Variants in PLA2G4A observed in about 807,000 individuals in gnomAD.
The protein encoded by PLA2G4A is cytosolic phospholipase A2.
A neutral mutation model predicts 81.9 loss-of-function variants in PLA2G4A; 40 were observed. The observed-to-expected ratio is 0.49, with a 90% CI of 0.38 to 0.64. The LOEUF is 0.64. Ranked by LOEUF, PLA2G4A falls within the 30% of genes least tolerant of loss-of-function variation. The probability of loss-of-function intolerance (pLI) is 0.00; values close to 1 mark genes in which losing one functional copy is unlikely to be tolerated. For missense variants in PLA2G4A, 715 were observed against 905.1 expected (o/e 0.79, Z 2.69); for synonymous variants, 302 against 296.9 (o/e 1.02, Z -0.18).
chr1:186,895,982 G>A, intron 5 of PLA2G4A, among the ~76,000 whole-genome samples: 1 of 151,290 alleles, frequency 6.6e-6, no homozygotes, highest in East Asian at 1.9e-4. Flanking sequence ...TATAATACAT[G>A]CATATGATAA....
intron 14 of PLA2G4A, among the ~76,000 whole-genome samples, chr1:186,963,086 G>A (rs1360650877): frequency 1.3e-5 from 2 of 151,986 alleles, no homozygotes; most frequent in East Asian, 1.9e-4. Context: ...AGTCGTATAA[G>A]AATAGTAAAT....
intron 5 of PLA2G4A, among the ~76,000 whole-genome samples, chr1:186,900,218 G>T (rs910545019): frequency 6.6e-6 from 1 of 152,174 alleles, no homozygotes; most frequent in Non-Finnish European, 1.5e-5. Context: ...TTAACCATGT[G>T]ATGGTGGACA....
chr1:186,929,600 A>C (rs1368612808), intron 7 of PLA2G4A, among the ~76,000 whole-genome samples: 3 of 152,312 alleles, frequency 2.0e-5, no homozygotes, highest in Admixed American at 2.0e-4. Context: ...AGGACACAGC[A>C]TTAGTTGGGG....
intron 9 of PLA2G4A, 151 bp from the exon 10 acceptor site, chr1:186,939,829 G>T: frequency 1.7e-6 from 1 of 581,498 alleles, no homozygotes; most frequent in Non-Finnish European, 3.1e-6. Context: ...ATTTTTTGTT[G>T]TTCATTCAGG....
chr1:186,942,512 C>T (rs964372728), intron 10 of PLA2G4A, among the ~76,000 whole-genome samples: 3 of 151,880 alleles, frequency 2.0e-5, no homozygotes, highest in African/African-American at 7.3e-5. Flanking sequence ...ATTTATCTTC[C>T]AGAGCTATTA....
At chr1:186,888,124 T>A (rs1654003151) in intron 3 of PLA2G4A, among the ~76,000 whole-genome samples, 1 of 152,212 alleles carries the variant, frequency 6.6e-6, no homozygotes, top group Non-Finnish European at 1.5e-5. Context: ...TTTAGAAAGC[T>A]GACTTACTTT....
At chr1:186,941,558 G>A (rs868772299) in intron 10 of PLA2G4A, among the ~76,000 whole-genome samples, 1 of 152,154 alleles carries the variant, frequency 6.6e-6, no homozygotes. Flanking sequence ...ACCTCATAAA[G>A]ATTAAATAAT....
At chr1:186,922,785 T>C (rs1655399025) in intron 7 of PLA2G4A, among the ~76,000 whole-genome samples, 1 of 152,198 alleles carries the variant, frequency 6.6e-6, no homozygotes, top group Non-Finnish European at 1.5e-5. Context: ...CTGAGCTCCC[T>C]GAGTGAGCAA....
chr1:186,878,342 T>A (rs1347709169), intron 3 of PLA2G4A, among the ~76,000 whole-genome samples: 2 of 145,772 alleles, frequency 1.4e-5, no homozygotes, highest in African/African-American at 2.5e-5. Flanking sequence ...CTGATATATT[T>A]TATATATATA....
chr1:186,985,744 A>G lies in PLA2G4A; in HGVS notation c.2119-2633A>G, dbSNP rs533061134. 2.0e-5 allele frequency among the ~76,000 whole-genome samples: 3 copies of G among 152,246 alleles called. No homozygotes were observed. The South Asian group carries it at 6.2e-4, about 32-fold the overall frequency. The stretch of plus-strand genomic sequence containing the variant: ...GCACAAGTGAAAGATGACATGGGAT[A>G]GGTGGTGAGGCTGGAGAAGGTTGAG... On this transcript the variant is annotated intron_variant, in intron 17 of 17. Coordinates refer to ENST00000367466, the MANE Select transcript of PLA2G4A (RefSeq NM_024420.3).
chr1:186,962,530 A>G (rs1240869904), intron 14 of PLA2G4A, among the ~76,000 whole-genome samples: 3 of 142,438 alleles, frequency 2.1e-5, no homozygotes, highest in African/African-American at 8.1e-5. Flanking sequence ...TTATTTATTT[A>G]TTTATTTTTG....
chr1:186,963,704 T>C (rs1657035918), intron 14 of PLA2G4A, among the ~76,000 whole-genome samples: 1 of 152,246 alleles, frequency 6.6e-6, no homozygotes, highest in African/African-American at 2.4e-5. Context: ...GTTTGTAACA[T>C]TTATTTGTTA....
Position 186,922,087 on chromosome 1 carries a change from T to C in PLA2G4A, c.559-10676T>C, listed in dbSNP as rs186123366. On this transcript the variant is annotated intron_variant, in intron 7 of 17. Coordinates refer to ENST00000367466, the MANE Select transcript of PLA2G4A (RefSeq NM_024420.3). ...AATCCCTTTTTGAAATTTTTCCACA[T>C]AGTTCCTAGTGGGGTGGGCTTACTT... Among the ~76,000 whole-genome samples the C allele has an allele frequency of 3.2e-3, 486 of 152,288 alleles. 2 individuals carry two copies. The highest frequency in any genetic ancestry group is 6.8e-3 in the Middle Eastern group (2 of 294).
intron 16 of PLA2G4A, 59 bp downstream of exon 16, chr1:186,977,847 C>A: frequency 9.2e-7 from 1 of 1,085,774 alleles, no homozygotes; most frequent in South Asian, 1.2e-5. Context: ...ACGAAACTGA[C>A]ATTAAACTGT....
Position 186,932,861 on chromosome 1 carries a change from T to C in PLA2G4A, c.657T>C (p.Asp219=). The change falls in exon 8 of 18, where the codon GAT becomes GAC. Residue 219 remains aspartate (D), a synonymous_variant. Transcript: ENST00000367466. ...CATTATACGAATCAGGAATTCTGGA[T>C]TGTGCTACCTACGTTGCTGGTCTTT... ...MKALYESGIL[D]CATYVAGLSG... is the part of the protein sequence containing the mutation. 24 of 1,613,166 alleles carry C rather than the reference T, an allele frequency of 1.5e-5. No homozygotes were observed. The highest frequency in any genetic ancestry group is 3.3e-4 in the Middle Eastern group (2 of 6,056).
intron 1 of PLA2G4A, among the ~76,000 whole-genome samples, chr1:186,851,815 G>A (rs1173104753): frequency 1.3e-5 from 2 of 151,858 alleles, no homozygotes; most frequent in African/African-American, 4.8e-5. Flanking sequence ...CCTAATCAAA[G>A]ACACAATACA....
intron 15 of PLA2G4A, among the ~76,000 whole-genome samples, chr1:186,969,609 A>G (rs1049723753): frequency 6.6e-6 from 1 of 151,724 alleles, no homozygotes; most frequent in Admixed American, 6.6e-5. Context: ...TTCTATTTCC[A>G]TTAATTCAAC....
intron 10 of PLA2G4A, among the ~76,000 whole-genome samples, chr1:186,942,078 A>G (rs2102224084): frequency 6.6e-6 from 1 of 152,352 alleles, no homozygotes; most frequent in East Asian, 1.9e-4. Context: ...TATGAAAGGC[A>G]CATTTAATTA....
intron 1 of PLA2G4A, among the ~76,000 whole-genome samples, chr1:186,847,158 C>A (rs1652206409): frequency 6.6e-6 from 1 of 151,820 alleles, no homozygotes; most frequent in Admixed American, 6.6e-5. Context: ...TTTATATTAA[C>A]CTACCTATTT....
Sources: allele counts gnomAD v4.1 joint callset (sites outside exome capture counted in the v4.1 genomes callset), GRCh38; gene constraint gnomAD v4.1.1; transcripts MANE v1.5; gene names NCBI Gene and HGNC (gene_info 2026-07-23, HGNC 2026-07-21).